Variants in CCDC170 observed in about 807,000 individuals in gnomAD.
CCDC170 encodes the protein coiled-coil domain containing 170, also known as coiled-coil domain-containing protein 170.
A neutral mutation model predicts 72.6 loss-of-function variants in CCDC170; 69 were observed. That is an observed-to-expected ratio of 0.95 (90% CI 0.78 to 1.16). CCDC170 has a LOEUF of 1.16. Ranked by LOEUF, CCDC170 falls within the 50% of genes most tolerant of loss-of-function variation. The probability of loss-of-function intolerance (pLI) is 0.00; values close to 1 mark genes in which losing one functional copy is unlikely to be tolerated. For missense variants in CCDC170, 852 were observed against 832.5 expected (o/e 1.02, Z -0.29); for synonymous variants, 300 against 303.9 (o/e 0.99, Z 0.13).
intron 7 of CCDC170, 135 bp downstream of exon 7, chr6:151,586,224 C>T (rs1435920010): frequency 9.4e-6 from 8 of 846,830 alleles, no homozygotes; most frequent in Non-Finnish European, 1.3e-5. Flanking sequence ...TTTCAAGGAA[C>T]AATGGGTTTG....
intron 6 of CCDC170, among the ~76,000 whole-genome samples, chr6:151,584,333 A>AT (rs574592472): frequency 1.3e-5 from 2 of 151,688 alleles, no homozygotes; most frequent in South Asian, 2.1e-4. Flanking sequence ...ATTATTTTTA[A>AT]TTTTTTTTCT....
intron 1 of CCDC170, among the ~76,000 whole-genome samples, chr6:151,521,343 C>G (rs1782311323): frequency 1.3e-5 from 2 of 152,160 alleles, no homozygotes; most frequent in South Asian, 4.1e-4. Flanking sequence ...TTGCTAAGCA[C>G]TACAGTATAA....
chr6:151,527,050 ATTTTT>A (rs56941290), intron 1 of CCDC170, among the ~76,000 whole-genome samples: 3 of 69,678 alleles, frequency 4.3e-5, no homozygotes, highest in East Asian at 4.4e-4. Flanking sequence ...ATGCTTAGCT[ATTTTT>A]TTTTTTTTTT....
Position 151,558,466 on chromosome 6 carries a change from A to G in CCDC170, c.774+9977A>G, listed in dbSNP as rs192678330. On this transcript the variant is annotated intron_variant, in intron 5 of 10. Transcript: ENST00000239374. ...GCTGTTGAGATCTTAGCCCTAAAATATTTTCCTAGCCAATGTCTTGAAGTG... is the reference window on the plus strand; with the variant it reads ...GCTGTTGAGATCTTAGCCCTAAAATGTTTTCCTAGCCAATGTCTTGAAGTG... Among the ~76,000 whole-genome samples the G allele has an allele frequency of 3.4e-3, 520 of 151,734 alleles. 3 individuals are homozygous for G. Among genetic ancestry groups the G allele is most frequent in the African/African-American group, 0.012 (505 of 41,406 alleles).
Position 151,596,390 on chromosome 6 carries a change from G to A in CCDC170, c.1523G>A (p.Arg508Gln), listed in dbSNP as rs369414988. 2.9e-5 allele frequency: 47 copies of A among 1,613,936 alleles called. No individual in the cohort carries two copies. The highest frequency in any genetic ancestry group is 1.6e-4 in the Middle Eastern group (1 of 6,084). The change falls in exon 9 of 11, where the codon CGG becomes CAG. Residue 508 changes from arginine (R) to glutamine (Q), a missense_variant. By Grantham distance (43) the Arg-to-Gln change is conservative (BLOSUM62 1). Coordinates refer to ENST00000239374, the MANE Select transcript of CCDC170 (RefSeq NM_025059.4). ...ESKELHMSLLRQKIAQLEEEK... is the reference protein window; with the variant it reads ...ESKELHMSLLQQKIAQLEEEK... ...AAAGAATTACACATGAGCCTCCTCCGGCAGAAAATAGCCCAGCTGGAGGAG... is the reference window on the plus strand; with the variant it reads ...AAAGAATTACACATGAGCCTCCTCCAGCAGAAAATAGCCCAGCTGGAGGAG...
intron 9 of CCDC170, among the ~76,000 whole-genome samples, chr6:151,606,591 C>T (rs1379245493): frequency 6.6e-6 from 1 of 152,132 alleles, no homozygotes; most frequent in Admixed American, 6.5e-5. Context: ...AGCATGTATT[C>T]TGCAGTAGTT....
intron 3 of CCDC170, among the ~76,000 whole-genome samples, chr6:151,541,210 G>C (rs1782685110): frequency 6.6e-6 from 1 of 152,128 alleles, no homozygotes; most frequent in South Asian, 2.1e-4. Context: ...TTCCAAGTGA[G>C]ATGTTCCATG....
intron 1 of CCDC170, among the ~76,000 whole-genome samples, chr6:151,526,095 TCTTC>T (rs202097692): frequency 0.11 from 15,816 of 145,594 alleles, 832 homozygotes; most frequent in African/African-American, 0.11. Context: ...TTCCTTCCTT[TCTTC>T]CTTCCTTCCT....
At chr6:151,581,895 G>T (rs1470119946) in intron 6 of CCDC170, among the ~76,000 whole-genome samples, 3 of 152,216 alleles carry the variant, frequency 2.0e-5, no homozygotes, top group African/African-American at 7.2e-5. Context: ...CTTTTACTGA[G>T]CCATAGGTCT....
intron 8 of CCDC170, among the ~76,000 whole-genome samples, chr6:151,595,962 C>T (rs1209661789): frequency 2.0e-5 from 3 of 152,056 alleles, no homozygotes; most frequent in Admixed American, 6.6e-5. Context: ...ATATTGTGGC[C>T]GTTAGATGTT....
At chr6:151,599,326 T>C (rs938830943) in intron 9 of CCDC170, among the ~76,000 whole-genome samples, 2 of 152,226 alleles carry the variant, frequency 1.3e-5, no homozygotes, top group African/African-American at 4.8e-5. Flanking sequence ...CAGTCTTCTG[T>C]CTTTGCCAAG....
chr6:151,524,479 A>C (rs1782372252), intron 1 of CCDC170, among the ~76,000 whole-genome samples: 1 of 152,230 alleles, frequency 6.6e-6, no homozygotes, highest in African/African-American at 2.4e-5. Context: ...CAGATTCTTG[A>C]AGGCTGCAAT....
chr6:151,572,653 T>TTTTTTTTTTTTTTTTTTTTTTTTTTTTTG (rs1776237615), intron 5 of CCDC170, among the ~76,000 whole-genome samples: 1 of 100,504 alleles, frequency 9.9e-6, no homozygotes, highest in Admixed American at 1.2e-4. Context: ...CTCTGTGTTT[T>TTTTTTTTTTTTTTTTTTTTTTTTTTTTTG]TTTTTTTTTT....
chr6:151,581,160 A>G (rs2115099375), intron 6 of CCDC170, among the ~76,000 whole-genome samples: 1 of 152,302 alleles, frequency 6.6e-6, no homozygotes, highest in East Asian at 1.9e-4. Context: ...AACGTAGTTG[A>G]AAACAACAAT....
chr6:151,550,360 C>T (rs1263380726), intron 5 of CCDC170, among the ~76,000 whole-genome samples: 2 of 152,070 alleles, frequency 1.3e-5, no homozygotes, highest in Non-Finnish European at 2.9e-5. Flanking sequence ...TGAGGAGGGG[C>T]CTGGGGAATT....
At chr6:151,597,241 T>G (rs1376776260) in intron 9 of CCDC170, among the ~76,000 whole-genome samples, 2 of 152,232 alleles carry the variant, frequency 1.3e-5, no homozygotes, top group Admixed American at 6.5e-5. Flanking sequence ...TTCTCCTGCT[T>G]CAGCCTCCCA....
chr6:151,498,642 A>G lies in CCDC170; in HGVS notation c.57+4457A>G, dbSNP rs1446856024. Among the ~76,000 whole-genome samples, 5 of 152,186 alleles carry G rather than the reference A, an allele frequency of 3.3e-5. No individual in the cohort carries two copies. The East Asian group carries it at 9.6e-4, about 29-fold the overall frequency. On this transcript the variant is annotated intron_variant, in intron 1 of 10. Transcript: ENST00000239374. Reference sequence around the variant, plus strand: ...AATTTGACTATTCTAGGCATGCTGTATAAGTGGAATCAGACTGTATTTAAC... The same window carrying G: ...AATTTGACTATTCTAGGCATGCTGTGTAAGTGGAATCAGACTGTATTTAAC...
intron 3 of CCDC170, 85 bp from the exon 4 acceptor site, chr6:151,544,487 C>A: frequency 7.9e-7 from 1 of 1,267,900 alleles, no homozygotes; most frequent in Non-Finnish European, 1.1e-6. Context: ...ATTATTTCCC[C>A]CATAGAGCTT....
intron 6 of CCDC170, among the ~76,000 whole-genome samples, chr6:151,578,112 C>T (rs771789927): frequency 2.6e-5 from 4 of 152,146 alleles, no homozygotes; most frequent in African/African-American, 4.8e-5. Flanking sequence ...CCATTTGGGA[C>T]GTTTCATTAT....
Sources: allele counts gnomAD v4.1 joint callset (sites outside exome capture counted in the v4.1 genomes callset), GRCh38; gene constraint gnomAD v4.1.1; transcripts MANE v1.5; gene names NCBI Gene and HGNC (gene_info 2026-07-23, HGNC 2026-07-21).